CSMD1: variants seen among roughly 807,000 people sequenced by gnomAD.
CSMD1 encodes the protein CUB and sushi domain-containing protein 1.
CSMD1 carries 213 observed loss-of-function variants against 417.5 expected under a neutral mutation model. The observed-to-expected ratio is 0.51, with a 90% confidence interval of 0.46 to 0.57. The LOEUF is 0.57. Among genes scored for constraint, CSMD1 ranks in the 20% least tolerant of loss-of-function variants. The pLI is 0.00. For synonymous variants in CSMD1, 2,862 were observed against 1,736.8 expected, an observed-to-expected ratio of 1.65 and a Z score of -16.11; for missense variants, 6,923 against 4,529.7, an observed-to-expected ratio of 1.53 and a Z score of -15.17.
intron 69 of CSMD1, among the ~76,000 whole-genome samples, chr8:2,939,052 C>A (rs7010713): frequency 6.6e-6 from 1 of 152,138 alleles, no homozygotes; most frequent in Non-Finnish European, 1.5e-5. Context: ...TCAGCCTTGA[C>A]CTCTTGGGCT....
intron 1 of CSMD1, among the ~76,000 whole-genome samples, chr8:4,665,308 G>T (rs954612077): frequency 7.2e-5 from 11 of 152,080 alleles, no homozygotes; most frequent in Non-Finnish European, 1.5e-5. Context: ...CTCTCCCTTT[G>T]CTGACTTTGA....
At chr8:4,391,008 A>G (rs754956212) in intron 3 of CSMD1, among the ~76,000 whole-genome samples, 1 of 152,210 alleles carries the variant, frequency 6.6e-6, no homozygotes. Context: ...GTACTTCAGG[A>G]ATTCATTTTA....
At chr8:4,378,752 T>G (rs1802912200) in intron 3 of CSMD1, among the ~76,000 whole-genome samples, 1 of 152,202 alleles carries the variant, frequency 6.6e-6, no homozygotes, top group African/African-American at 2.4e-5. Flanking sequence ...ATTATGAGGT[T>G]ATGAGAGCTC....
At chr8:3,247,377 T>G (rs1276287420) in intron 26 of CSMD1, among the ~76,000 whole-genome samples, 5 of 152,050 alleles carry the variant, frequency 3.3e-5, no homozygotes, top group Non-Finnish European at 5.9e-5. Flanking sequence ...CCGCTAGCAG[T>G]GAACCCATGA....
intron 3 of CSMD1, among the ~76,000 whole-genome samples, chr8:4,404,656 A>G (rs1804885153): frequency 6.6e-6 from 1 of 152,214 alleles, no homozygotes; most frequent in South Asian, 2.1e-4. Context: ...AAATCCATTA[A>G]TATTTATCTT....
intron 10 of CSMD1, among the ~76,000 whole-genome samples, chr8:3,560,937 T>C (rs529521715): frequency 6.6e-6 from 1 of 152,282 alleles, no homozygotes; most frequent in African/African-American, 2.4e-5. Flanking sequence ...ACGTTGTATT[T>C]AGAATCCAGA....
At position 2,978,912 on chromosome 8, in the gene CSMD1, A is replaced by T. The variant is rs894217034; in HGVS notation, c.8378-112T>A. The T allele has an allele frequency of 5.7e-5, 51 of 890,358 alleles. No homozygotes were observed. The Admixed American group carries it at 1.2e-3, about 21-fold the overall frequency. 55.2% of individuals were successfully genotyped at this position (890,358 alleles called of 1,614,324 possible). On this transcript the variant is annotated intron_variant, in intron 54 of 69. Transcript: ENST00000635120. Reference sequence around the variant, plus strand: ...ATTTTAGAAAGTTCAAAAACTGACAACATGATGGCTGAGGCTCATGAAATT... The same window carrying T: ...ATTTTAGAAAGTTCAAAAACTGACATCATGATGGCTGAGGCTCATGAAATT...
At chr8:4,251,941 G>T (rs1803111258) in intron 3 of CSMD1, among the ~76,000 whole-genome samples, 1 of 151,566 alleles carries the variant, frequency 6.6e-6, no homozygotes, top group Admixed American at 6.6e-5. Context: ...GGGAAAGAGA[G>T]TAGAGGGGAA....
rs545368785 is a variant in CSMD1 at position 4,737,361 on chromosome 8, G to C, written c.86-99803C>G. Among the ~76,000 whole-genome samples, 35 of 151,824 alleles carry C rather than the reference G, an allele frequency of 2.3e-4. No homozygotes were observed. The South Asian group carries it at 7.3e-3, about 32-fold the overall frequency. On this transcript the variant is annotated intron_variant, in intron 1 of 69. Coordinates refer to ENST00000635120, the MANE Select transcript of CSMD1 (RefSeq NM_033225.6). ...AGGGTGGAGGGTTGGAGGAGAGAGA[G>C]AGTCAGAAAAAAAAAATAACTAATG...
chr8:4,727,689 G>T (rs1809547079), intron 1 of CSMD1, among the ~76,000 whole-genome samples: 2 of 151,980 alleles, frequency 1.3e-5, no homozygotes, highest in African/African-American at 4.8e-5. Context: ...GAAATAACTT[G>T]CAAAGGCAAA....
chr8:3,639,381 G>T (rs1797197775), intron 7 of CSMD1, among the ~76,000 whole-genome samples: 1 of 152,160 alleles, frequency 6.6e-6, no homozygotes, highest in Non-Finnish European at 1.5e-5. Flanking sequence ...GTGAATGAGT[G>T]AGGGTTCATC....
At chr8:3,711,980 A>G (rs949414999) in intron 6 of CSMD1, among the ~76,000 whole-genome samples, 3 of 152,258 alleles carry the variant, frequency 2.0e-5, no homozygotes, top group Admixed American at 6.5e-5. Flanking sequence ...GCGAATAGAC[A>G]GGACCTATCT....
At chr8:3,787,381 G>C (rs1322481869) in intron 5 of CSMD1, among the ~76,000 whole-genome samples, 2 of 152,100 alleles carry the variant, frequency 1.3e-5, no homozygotes, top group African/African-American at 4.8e-5. Flanking sequence ...AATTAAGTAA[G>C]CAGATAACCA....
chr8:3,469,351 G>T (rs532016566), intron 11 of CSMD1, among the ~76,000 whole-genome samples: 1 of 152,038 alleles, frequency 6.6e-6, no homozygotes, highest in Non-Finnish European at 1.5e-5. Flanking sequence ...ATATATTATA[G>T]GTAATTATAC....
At chr8:4,198,895 T>G (rs1019994143) in intron 3 of CSMD1, among the ~76,000 whole-genome samples, 1 of 152,172 alleles carries the variant, frequency 6.6e-6, no homozygotes, top group Non-Finnish European at 1.5e-5. Context: ...TAATTAAAAC[T>G]ATTTTTACTT....
intron 3 of CSMD1, among the ~76,000 whole-genome samples, chr8:4,408,183 C>G (rs182239850): frequency 1.3e-5 from 2 of 152,294 alleles, no homozygotes. Flanking sequence ...CAGATGTATA[C>G]AAATCAGTGT....
At chr8:4,431,577 T>G (rs1308753064) in intron 2 of CSMD1, among the ~76,000 whole-genome samples, 1 of 152,104 alleles carries the variant, frequency 6.6e-6, no homozygotes, top group Non-Finnish European at 1.5e-5. Context: ...TTCAAAACTT[T>G]GCTCTGAGGC....
At chr8:3,653,793 G>A (rs1797973940) in intron 7 of CSMD1, among the ~76,000 whole-genome samples, 1 of 152,176 alleles carries the variant, frequency 6.6e-6, no homozygotes, top group Admixed American at 6.6e-5. Flanking sequence ...CCTAACTCGT[G>A]ACACAAGTTT....
intron 1 of CSMD1, among the ~76,000 whole-genome samples, chr8:4,816,402 G>C (rs1008303852): frequency 1.3e-5 from 2 of 151,942 alleles, no homozygotes; most frequent in Non-Finnish European, 2.9e-5. Flanking sequence ...GGGCACTGTG[G>C]GGTGGTGGAG....
Sources: allele counts gnomAD v4.1 joint callset (sites outside exome capture counted in the v4.1 genomes callset), GRCh38; gene constraint gnomAD v4.1.1; transcripts MANE v1.5; gene names NCBI Gene and HGNC (gene_info 2026-07-23, HGNC 2026-07-21).